TUBGCP3: variants seen among roughly 807,000 people sequenced by gnomAD.
TUBGCP3 encodes the protein tubulin gamma complex component 3, also known as gamma-tubulin complex component 3.
In TUBGCP3, 50 loss-of-function variants were observed where a neutral mutation model predicts 123.1. The ratio of observed to expected loss-of-function variants is 0.41; its 90% CI spans 0.32 to 0.51. TUBGCP3 has a LOEUF of 0.51. Ranked by LOEUF, TUBGCP3 falls within the 20% of genes least tolerant of loss-of-function variation. The pLI is 0.36. For missense variants in TUBGCP3, 882 were observed against 1,127.0 expected, an observed-to-expected ratio of 0.78 and a Z score of 3.11; for synonymous variants, 405 against 413.9, an observed-to-expected ratio of 0.98 and a Z score of 0.26.
intron 8 of TUBGCP3, among the ~76,000 whole-genome samples, chr13:112,550,390 A>C (rs1399796436): frequency 6.6e-6 from 1 of 152,198 alleles, no homozygotes; most frequent in Non-Finnish European, 1.5e-5. Context: ...GACAAATGTG[A>C]ACATTTTCAA....
At chr13:112,576,704 A>G (rs1330649337) in intron 1 of TUBGCP3, among the ~76,000 whole-genome samples, 1 of 152,218 alleles carries the variant, frequency 6.6e-6, no homozygotes, top group Non-Finnish European at 1.5e-5. Flanking sequence ...AAATCAGAAA[A>G]TGAATTGAAT....
chr13:112,505,724 T>C (rs981537165), intron 17 of TUBGCP3, among the ~76,000 whole-genome samples: 2 of 152,184 alleles, frequency 1.3e-5, no homozygotes, highest in African/African-American at 4.8e-5. Context: ...AAATGTAAAT[T>C]CTTAAACAGA....
intron 20 of TUBGCP3, chr13:112,489,908 A>G (rs1189564592): frequency 7.0e-6 from 4 of 570,718 alleles, no homozygotes; most frequent in Non-Finnish European, 1.2e-5. Context: ...ATTTCATATG[A>G]ACACATTTGA....
At chr13:112,592,200 T>C (rs370826126), upstream of TUBGCP3, among the ~76,000 whole-genome samples, 18 of 152,342 alleles carry the variant, frequency 1.2e-4, no homozygotes, top group South Asian at 3.5e-3. The surrounding 1 kb of genome is among the most constrained non-coding windows in gnomAD (Gnocchi z 4.1). Context: ...CCGACATAGA[T>C]AGTAGATAAA....
Position 112,554,062 on chromosome 13 carries a change from C to T in TUBGCP3, c.961G>A (p.Gly321Arg), listed in dbSNP as rs1879821955. ...RSLDRSFGLV[G>R]QSFCAALHQE... is the part of the protein sequence containing the mutation. ...CCTAGGAACCATGAACGCACCTGCCCGACGAGTCCGAATGAGCGGTCCAGG... is the reference window on the plus strand; with the variant it reads ...CCTAGGAACCATGAACGCACCTGCCTGACGAGTCCGAATGAGCGGTCCAGG... Residue 321 changes from glycine (G) to arginine (R), a missense_variant, in exon 8 of 22, where the codon GGG (glycine) becomes AGG (arginine). By Grantham distance (125) the Gly-to-Arg change is moderately radical. Around this residue, in one of 3 missense-constraint regions of TUBGCP3, gnomAD observed 713 missense variants for 874.0 expected, o/e 0.82. Transcript: ENST00000261965. 1 of 1,612,478 alleles carries T rather than the reference C, an allele frequency of 6.2e-7. No individual in the cohort carries two copies. Among genetic ancestry groups the T allele is most frequent in the Non-Finnish European group, 8.5e-7 (1 of 1,179,606 alleles).
At position 112,511,234 on chromosome 13, in the gene TUBGCP3, A is replaced by T. The variant is rs1881654769; in HGVS notation, c.2086+5206T>A. Among the ~76,000 whole-genome samples, 1 of 152,208 alleles carries T rather than the reference A, an allele frequency of 6.6e-6. No homozygotes were observed. Among genetic ancestry groups the T allele is most frequent in the Non-Finnish European group, 1.5e-5 (1 of 68,034 alleles). ...AACACCCTCTGAACCCACCGCTCAG[A>T]TGGGCCCCTCACAGGGCACTGCTGG... On this transcript the variant is annotated intron_variant, in intron 17 of 21. Transcript: ENST00000261965. This position sits in a 1 kb window ranked among gnomAD's most constrained non-coding sequence, Gnocchi z 4.1.
intron 3 of TUBGCP3, 65 bp from the exon 4 acceptor site, chr13:112,559,464 T>C: frequency 7.9e-7 from 1 of 1,270,280 alleles, no homozygotes; most frequent in East Asian, 2.5e-5. Context: ...TATTTTCCTC[T>C]TTCCTGAACT....
intron 19 of TUBGCP3, among the ~76,000 whole-genome samples, chr13:112,501,837 G>C (rs1880927351): frequency 6.6e-6 from 1 of 152,152 alleles, no homozygotes; most frequent in African/African-American, 2.4e-5. Context: ...TTTCACAAGG[G>C]CACTGTGCTA....
At chr13:112,578,331 G>C (rs935129888) in intron 1 of TUBGCP3, among the ~76,000 whole-genome samples, 2 of 151,464 alleles carry the variant, frequency 1.3e-5, no homozygotes, top group African/African-American at 4.9e-5. Context: ...AGGCCGAGGC[G>C]GGCGGATCAC....
rs1175210608 is a variant in TUBGCP3, at chr13:112,508,339, C to T, written c.2087-3625G>A. Among the ~76,000 whole-genome samples, 3 of 152,218 alleles carry T rather than the reference C, an allele frequency of 2.0e-5. No homozygotes were observed. The highest frequency in any genetic ancestry group is 7.2e-5 in the African/African-American group (3 of 41,456). ...TCAAACAGCCTTCCAACAAACAAAG[C>T]GTCTAACTTCGTTAGAAGTTTTGAC... is the stretch of plus-strand genomic sequence containing the variant. On this transcript the variant is annotated intron_variant, in intron 17 of 21. Transcript: ENST00000261965. The surrounding 1 kb of genome is among the most constrained non-coding windows in gnomAD (Gnocchi z 4.2).
rs555608715 is a variant in TUBGCP3, at chr13:112,579,376, C to T, written c.76+8529G>A. ...GCTCTCCCACACTGCTGAATGCCCG[C>T]GGGGCCACGGCATCCCTGGGGCTCT... On this transcript the variant is annotated intron_variant, in intron 1 of 21. Coordinates refer to ENST00000261965, the MANE Select transcript of TUBGCP3 (RefSeq NM_006322.6). Among the ~76,000 whole-genome samples, 32 of 123,606 alleles carry T rather than the reference C, an allele frequency of 2.6e-4. 1 individual carries two copies. The highest frequency in any genetic ancestry group is 3.8e-4 in the Non-Finnish European group (23 of 60,300). 81.1% of individuals were successfully genotyped at this position (123,606 alleles called of 152,430 possible). A position where few individuals can be genotyped will look rare whatever the true frequency, so the allele number is the denominator to read the frequency against.
chr13:112,575,045 T>C (rs1309741529), intron 1 of TUBGCP3, among the ~76,000 whole-genome samples: 1 of 152,062 alleles, frequency 6.6e-6, no homozygotes, highest in Non-Finnish European at 1.5e-5. Flanking sequence ...CATTCCACAC[T>C]TGACAAGAAC....
In TUBGCP3 at chr13:112,548,478, T is replaced by A. The variant is rs78100623; in HGVS notation, c.967-302A>T. ...TAGAGAATGATCCTTTAAGATGATATCCCCTGTAGATCTAATTAAACTAAA... is the reference window on the plus strand; with the variant it reads ...TAGAGAATGATCCTTTAAGATGATAACCCCTGTAGATCTAATTAAACTAAA... On this transcript the variant is annotated intron_variant, in intron 8 of 21. Coordinates refer to ENST00000261965, the MANE Select transcript of TUBGCP3 (RefSeq NM_006322.6). Among the ~76,000 whole-genome samples, 1,287 of 152,206 alleles carry A rather than the reference T, an allele frequency of 8.5e-3. 16 individuals are homozygous for A. Among genetic ancestry groups the A allele is most frequent in the African/African-American group, 0.029 (1,222 of 41,542 alleles).
chr13:112,485,645 AT>A lies in TUBGCP3; in HGVS notation c.*347del, dbSNP rs1879608303. The stretch of plus-strand genomic sequence containing the variant: ...AACTAATGAATATCCTATCACCCTA[AT>A]TTTTTCTAAAAGAAATGGATTTTTT... On this transcript the variant is annotated 3_prime_UTR_variant, in exon 22 of 22. Coordinates refer to ENST00000261965, the MANE Select transcript of TUBGCP3 (RefSeq NM_006322.6). 4.6e-6 allele frequency: 1 copy of A among 219,354 alleles called. No homozygotes were observed. Among genetic ancestry groups the A allele is most frequent in the Non-Finnish European group, 8.8e-6 (1 of 113,012 alleles). 13.6% of individuals were successfully genotyped at this position (219,354 alleles called of 1,614,324 possible). A position where few individuals can be genotyped will look rare whatever the true frequency, so the allele number is the denominator to read the frequency against.
chr13:112,494,736 T>A (rs1412642715), intron 20 of TUBGCP3, among the ~76,000 whole-genome samples: 2 of 152,276 alleles, frequency 1.3e-5, no homozygotes, highest in Non-Finnish European at 2.9e-5. Context: ...CATTTGTTCT[T>A]GCCTGACTTT....
At position 112,486,037 on chromosome 13, in the gene TUBGCP3, G is replaced by A. The variant is rs1386160926; in HGVS notation, c.2680C>T (p.Arg894Cys). ...EHYKAREPRL[R>C]VSLGTRGRRS... ...CGCCCCCTGGTACCCAGAGACACAC[G>A]GAGCCTGGGCTCCCTGGCTTTGTAA... Residue 894 changes from arginine (R) to cysteine (C), a missense_variant, in exon 22 of 22, where the codon CGT becomes TGT. Arg to Cys is a radical substitution (Grantham distance 180, BLOSUM62 -3). Transcript: ENST00000261965. 1.1e-5 allele frequency: 17 copies of A among 1,608,728 alleles called. No individual in the cohort carries two copies. The highest frequency in any genetic ancestry group is 3.3e-5 in the Admixed American group (2 of 59,906).
chr13:112,598,998 CA>C, the TUBGCP3 span, among the ~76,000 whole-genome samples: 46 of 124,876 alleles, frequency 3.7e-4, no homozygotes, highest in East Asian at 9.5e-4. Context: ...TCTATAAATA[CA>C]AAAAAAAAAG....
At position 112,508,108 on chromosome 13, in the gene TUBGCP3, T is replaced by A. The variant is rs1881425312; in HGVS notation, c.2087-3394A>T. ...CTCTCCCTCACTCCCAGCCTCAGCA[T>A]CCCGCAGCCCTGGCCCCACCAGGTT... On this transcript the variant is annotated intron_variant, in intron 17 of 21. Transcript: ENST00000261965. The surrounding 1 kb of genome is among the most constrained non-coding windows in gnomAD (Gnocchi z 4.2). Among the ~76,000 whole-genome samples, 1 of 152,068 alleles carries A rather than the reference T, an allele frequency of 6.6e-6. No homozygotes were observed. Among genetic ancestry groups the A allele is most frequent in the Non-Finnish European group, 1.5e-5 (1 of 67,996 alleles).
intron 21 of TUBGCP3, 118 bp downstream of exon 21, chr13:112,489,462 TA>T: frequency 1.3e-6 from 1 of 775,908 alleles, no homozygotes; most frequent in Non-Finnish European, 2.3e-6. Context: ...TACTCACACC[TA>T]CACAAATAAG....
Sources: gnomAD v4.1 joint callset for allele counts (sites outside exome capture counted in the v4.1 genomes callset) on GRCh38, gnomAD v4.1.1 for gene constraint, gnomAD v4.1.1 regional missense constraint, Gnocchi (gnomAD v3.1) non-coding constraint, MANE v1.5 for transcripts, NCBI Gene and HGNC (gene_info 2026-07-23, HGNC 2026-07-21) for gene names.